Variants in TMT1A observed in about 807,000 individuals in gnomAD.
The protein encoded by TMT1A is thiol methyltransferase 1A, also known as thiol S-methyltransferase TMT1A.
At chr12:50,926,376 C>T in the TMT1A span, among the ~76,000 whole-genome samples, 1 of 152,134 alleles carries the variant, frequency 6.6e-6, no homozygotes, top group African/African-American at 2.4e-5. Context: ...GGACTGGACA[C>T]CACCATACAC....
the TMT1A span, chr12:50,929,884 G>T: frequency 6.5e-6 from 10 of 1,543,712 alleles, no homozygotes; most frequent in Non-Finnish European, 8.8e-6. Context: ...AAAAATCCTT[G>T]AAATGTTTTT....
the TMT1A span, chr12:50,925,645 A>G: frequency 4.7e-6 from 6 of 1,269,926 alleles, no homozygotes; most frequent in Non-Finnish European, 6.3e-6. Flanking sequence ...GTAAACTACT[A>G]GAAAATACTG....
the TMT1A span, chr12:50,925,654 T>C: frequency 8.1e-7 from 1 of 1,228,230 alleles, no homozygotes; most frequent in South Asian, 1.7e-5. Context: ...TAGAAAATAC[T>C]GTAGAATTTT....
chr12:50,929,789 C>T, the TMT1A span: 1 of 813,898 alleles, frequency 1.2e-6, no homozygotes, highest in Non-Finnish European at 1.9e-6. Flanking sequence ...GACCCTCCTG[C>T]TCAGAACTCT....
At chr12:50,930,198 C>A in the TMT1A span, 1 of 1,399,028 alleles carries the variant, frequency 7.1e-7, no homozygotes, top group South Asian at 1.5e-5. Context: ...TTTAAAGCTT[C>A]AGTTTTACAT....
At chr12:50,929,878 A>C in the TMT1A span, 1 of 1,548,094 alleles carries the variant, frequency 6.5e-7, no homozygotes, top group South Asian at 1.2e-5. Flanking sequence ...AAATGAAAAA[A>C]TCCTTGAAAT....
the TMT1A span, chr12:50,930,159 G>A: frequency 1.9e-6 from 3 of 1,585,596 alleles, no homozygotes; most frequent in Admixed American, 1.7e-5. Flanking sequence ...AGTGTGAGCT[G>A]GCAGTTAAGA....
At chr12:50,931,245 TGA>T in the TMT1A span, 1 of 152,116 alleles carries the variant, frequency 6.6e-6, no homozygotes, top group Admixed American at 6.5e-5. Context: ...ATCTTCTCTT[TGA>T]GAGCTTGGTA....
the TMT1A span, chr12:50,932,427 T>C: frequency 6.6e-6 from 1 of 152,240 alleles, no homozygotes; most frequent in African/African-American, 2.4e-5. Flanking sequence ...AAATGTAGTA[T>C]ATTTTCTGAG....
chr12:50,925,103 T>C, the TMT1A span: 4 of 1,614,234 alleles, frequency 2.5e-6, no homozygotes, highest in Non-Finnish European at 3.4e-6. Flanking sequence ...TTGTACCTGC[T>C]GAACTTTCTG....
At chr12:50,929,796 C>T in the TMT1A span, 1 of 861,686 alleles carries the variant, frequency 1.2e-6, no homozygotes, top group South Asian at 1.7e-5. Flanking sequence ...CTGCTCAGAA[C>T]TCTACGGTTC....
chr12:50,925,653 C>T, the TMT1A span: 10 of 1,235,334 alleles, frequency 8.1e-6, no homozygotes, highest in African/African-American at 1.2e-4. Context: ...CTAGAAAATA[C>T]TGTAGAATTT....
At chr12:50,925,600 C>G in the TMT1A span, 96 of 1,510,456 alleles carry the variant, frequency 6.4e-5, no homozygotes, top group Admixed American at 3.3e-4. Flanking sequence ...GCAGGCCTGT[C>G]AATTTCAGGT....
chr12:50,930,236 C>T, the TMT1A span: 1 of 1,124,226 alleles, frequency 8.9e-7, no homozygotes. Context: ...AGAAGAGAAA[C>T]CTTTTTTTTG....
At chr12:50,927,905 G>T in the TMT1A span, among the ~76,000 whole-genome samples, 1 of 115,988 alleles carries the variant, frequency 8.6e-6, no homozygotes, top group Admixed American at 7.7e-5. Context: ...GCTAACTGCA[G>T]CCTCCACCTC....
At chr12:50,929,499 C>G in the TMT1A span, among the ~76,000 whole-genome samples, 3 of 152,112 alleles carry the variant, frequency 2.0e-5, no homozygotes, top group Admixed American at 2.0e-4. Context: ...TGAAGATGTC[C>G]CCACACATAA....
the TMT1A span, chr12:50,925,171 G>GT: frequency 6.2e-7 from 1 of 1,614,068 alleles, no homozygotes; most frequent in Non-Finnish European, 8.5e-7. Context: ...GAGGTTCACT[G>GT]TGATATACAA....
At chr12:50,931,692 C>T in the TMT1A span, 1 of 104,770 alleles carries the variant, frequency 9.5e-6, no homozygotes, top group African/African-American at 3.9e-5. Context: ...GCCTGGGTGA[C>T]AAGAGCAAGA....
chr12:50,926,016 C>CAAAAAAAAAAAAAAAAAAAAAAAA, the TMT1A span, among the ~76,000 whole-genome samples: 1 of 26,072 alleles, frequency 3.8e-5, no homozygotes, highest in African/African-American at 1.7e-4. Flanking sequence ...AACTCCATCT[C>CAAAAAAAAAAAAAAAAAAAAAAAA]AAAAAAAAAA....
Sources: allele counts gnomAD v4.1 joint callset (sites outside exome capture counted in the v4.1 genomes callset), GRCh38; gene constraint gnomAD v4.1.1; transcripts MANE v1.5; gene names NCBI Gene and HGNC (gene_info 2026-07-23, HGNC 2026-07-21).